The following CDH13 variants were observed in gnomAD, a reference collection of about 807,000 sequenced individuals.
CDH13 encodes the protein cadherin-13.
In CDH13, 24 loss-of-function variants were observed where a neutral mutation model predicts 63.8. The ratio of observed to expected loss-of-function variants is 0.38; its 90% CI spans 0.27 to 0.53. The LOEUF (loss-of-function observed/expected upper bound fraction) is 0.53. Ranked by LOEUF, CDH13 falls within the 20% of genes least tolerant of loss-of-function variation. The pLI is 0.85. For synonymous variants in CDH13, 503 were observed against 355.3 expected (o/e 1.42, Z -4.67); for missense variants, 1,049 against 903.1 (o/e 1.16, Z -2.07).
chr16:82,984,243 C>A (rs1197797516), intron 2 of CDH13, among the ~76,000 whole-genome samples: 2 of 152,320 alleles, frequency 1.3e-5, no homozygotes, highest in East Asian at 3.9e-4. Flanking sequence ...AATTTGAAAA[C>A]CACACTGCTT....
chr16:83,510,110 C>T (rs1235402372), intron 7 of CDH13, among the ~76,000 whole-genome samples: 1 of 152,136 alleles, frequency 6.6e-6, no homozygotes, highest in Non-Finnish European at 1.5e-5. Context: ...TGAAACGAGT[C>T]TGACGGCTTT....
chr16:83,123,912 A>G (rs1049899572), intron 3 of CDH13, among the ~76,000 whole-genome samples: 2 of 152,166 alleles, frequency 1.3e-5, no homozygotes, highest in African/African-American at 4.8e-5. Context: ...CTGGTATAAG[A>G]TGATATCGCA....
At chr16:83,167,266 G>T (rs1021760910) in intron 4 of CDH13, among the ~76,000 whole-genome samples, 2 of 151,850 alleles carry the variant, frequency 1.3e-5, no homozygotes, top group East Asian at 3.9e-4. Context: ...GGAGGCTGAG[G>T]CAGGTGGATC....
rs2151025316 is a variant in CDH13, at chr16:83,796,544, A to G, written c.*1514A>G. On this transcript the variant is annotated 3_prime_UTR_variant, in exon 14 of 14. Transcript: ENST00000567109. ...AATGGTAAATCCTTTTGGAACATAT[A>G]GAATGCAGAGATTTTTTTTTCCATT... The G allele has an allele frequency of 6.6e-6, 1 of 152,370 alleles. No individual in the cohort carries two copies. The highest frequency in any genetic ancestry group is 1.5e-5 in the Non-Finnish European group (1 of 68,044). 9.4% of individuals were successfully genotyped at this position (152,370 alleles called of 1,614,324 possible).
chr16:82,997,745 G>A (rs1318023766), intron 2 of CDH13, among the ~76,000 whole-genome samples: 1 of 152,140 alleles, frequency 6.6e-6, no homozygotes, highest in Non-Finnish European at 1.5e-5. Context: ...TAACATAGAA[G>A]TTCAGCAGTC....
In CDH13 at chr16:83,678,339, C is replaced by T. The variant is rs147140848; in HGVS notation, c.1416C>T (p.Asn472=). The change falls in exon 10 of 14, where the codon AAC becomes AAT. Residue 472 remains asparagine, a synonymous_variant. Coordinates refer to ENST00000567109, the MANE Select transcript of CDH13 (RefSeq NM_001257.5). ...ATVHITVLDV[N]EGPVFYPDPM... ...TCCACATCACTGTCCTGGATGTCAA[C>T]GAGGGCCCAGTCTTCTACCCAGACC... The T allele has an allele frequency of 0.012, 19,906 of 1,613,976 alleles. 163 individuals are homozygous for T. The highest frequency in any genetic ancestry group is 0.015 in the Non-Finnish European group (18,076 of 1,179,886).
intron 2 of CDH13, among the ~76,000 whole-genome samples, chr16:82,907,788 G>A (rs549445135): frequency 6.6e-6 from 1 of 152,220 alleles, no homozygotes; most frequent in Admixed American, 6.5e-5. Flanking sequence ...GCTGTGCAGG[G>A]CCTCCACTTG....
intron 3 of CDH13, among the ~76,000 whole-genome samples, chr16:83,059,827 C>G (rs1441541855): frequency 3.7e-5 from 5 of 134,726 alleles, no homozygotes; most frequent in Admixed American, 8.2e-5. Flanking sequence ...AGGAGTCTCG[C>G]TCTGTCACCC....
chr16:83,343,083 T>C (rs1439731200), intron 5 of CDH13, among the ~76,000 whole-genome samples: 1 of 152,152 alleles, frequency 6.6e-6, no homozygotes, highest in Non-Finnish European at 1.5e-5. Context: ...CTTCATTTTT[T>C]CTTATTACAT....
At chr16:83,627,077 G>T (rs1475068325) in intron 8 of CDH13, among the ~76,000 whole-genome samples, 1 of 151,038 alleles carries the variant, frequency 6.6e-6, no homozygotes, top group African/African-American at 2.4e-5. Flanking sequence ...AAGCTCAGGA[G>T]TTCAAGACCA....
intron 4 of CDH13, among the ~76,000 whole-genome samples, chr16:83,204,097 T>C (rs1195953690): frequency 6.6e-6 from 1 of 152,204 alleles, no homozygotes; most frequent in Non-Finnish European, 1.5e-5. Context: ...TCCTGGGCCA[T>C]GAATGGCCAT....
intron 2 of CDH13, among the ~76,000 whole-genome samples, chr16:82,927,922 G>A (rs2042356104): frequency 6.6e-6 from 1 of 152,202 alleles, no homozygotes; most frequent in Non-Finnish European, 1.5e-5. Flanking sequence ...AGCAGTCATT[G>A]TATTAGATAT....
intron 3 of CDH13, among the ~76,000 whole-genome samples, chr16:83,042,843 T>C (rs1917445141): frequency 6.6e-6 from 1 of 152,166 alleles, no homozygotes; most frequent in African/African-American, 2.4e-5. Flanking sequence ...ACAATCCCAG[T>C]GGAGAATGAA....
chr16:83,478,836 GAAAAAAAAAA>G (rs374669824), intron 6 of CDH13, among the ~76,000 whole-genome samples: 1 of 112,316 alleles, frequency 8.9e-6, no homozygotes, highest in Non-Finnish European at 1.8e-5. Flanking sequence ...TTGAAGATGA[GAAAAAAAAAA>G]AAAAAAAGAA....
chr16:83,571,998 A>C (rs1240968813), intron 7 of CDH13, among the ~76,000 whole-genome samples: 1 of 152,112 alleles, frequency 6.6e-6, no homozygotes, highest in Non-Finnish European at 1.5e-5. Context: ...GTCATCTATG[A>C]AGTGTGTCAG....
rs552015004 is a variant in CDH13, at chr16:83,183,460, T to C, written c.484-33885T>C. ...GATCTATAATTAAATCTGTGAGTTA[T>C]ATGCTACACATGGGAATTGGGTACG... On this transcript the variant is annotated intron_variant, in intron 4 of 13. Coordinates refer to ENST00000567109, the MANE Select transcript of CDH13 (RefSeq NM_001257.5). 2.8e-4 allele frequency among the ~76,000 whole-genome samples: 43 copies of C among 152,362 alleles called. No individual in the cohort carries two copies. The South Asian group carries it at 8.3e-3, about 29-fold the overall frequency.
At chr16:83,362,017 A>G (rs2091171554) in intron 6 of CDH13, among the ~76,000 whole-genome samples, 1 of 152,178 alleles carries the variant, frequency 6.6e-6, no homozygotes, top group Non-Finnish European at 1.5e-5. Context: ...TTTGGGCAGT[A>G]TCTCATCTGT....
chr16:83,630,846 T>C (rs1262028634), intron 8 of CDH13, among the ~76,000 whole-genome samples: 9 of 152,322 alleles, frequency 5.9e-5, no homozygotes, highest in Admixed American at 5.2e-4. Flanking sequence ...AGCTATCTTA[T>C]TAAAAATAAA....
rs375453913 is a variant in CDH13, at chr16:83,063,118, C to A, written c.366+30900C>A. On this transcript the variant is annotated intron_variant, in intron 3 of 13. Coordinates refer to ENST00000567109, the MANE Select transcript of CDH13 (RefSeq NM_001257.5). ...CTGAGACTACAGGCACGTGCCAGCA[C>A]GTCTGGCTAATTTTTGTATTTTTAG... is the stretch of plus-strand genomic sequence containing the variant. 3.3e-5 allele frequency among the ~76,000 whole-genome samples: 5 copies of A among 152,182 alleles called. No individual in the cohort carries two copies. In the South Asian group the frequency reaches 1.0e-3, roughly 32 times the overall value.
Sources: allele counts gnomAD v4.1 joint callset (sites outside exome capture counted in the v4.1 genomes callset), GRCh38; gene constraint gnomAD v4.1.1; transcripts MANE v1.5; gene names NCBI Gene and HGNC (gene_info 2026-07-23, HGNC 2026-07-21).